The following DGKB variants were observed in gnomAD, a reference collection of about 807,000 sequenced individuals.
DGKB encodes the protein diacylglycerol kinase beta.
In DGKB, 67 loss-of-function variants were observed where a neutral mutation model predicts 114.3. That is an observed-to-expected ratio of 0.59 (90% CI 0.48 to 0.72). DGKB has a LOEUF of 0.72. Among genes scored for constraint, DGKB ranks in the 30% least tolerant of loss-of-function variants. The pLI, the probability that DGKB is intolerant of heterozygous loss-of-function variation, is 0.00. For missense variants in DGKB, 907 were observed against 975.2 expected (o/e 0.93, Z 0.93); for synonymous variants, 398 against 323.1 (o/e 1.23, Z -2.49).
chr7:14,881,054 AT>A (rs1323780607), intron 1 of DGKB, among the ~76,000 whole-genome samples: 3 of 152,178 alleles, frequency 2.0e-5, no homozygotes, highest in African/African-American at 7.2e-5. Flanking sequence ...ATGATAAAAT[AT>A]ATTTCTAATA....
intron 21 of DGKB, among the ~76,000 whole-genome samples, chr7:14,346,334 T>C (rs945559265): frequency 6.6e-6 from 1 of 151,960 alleles, no homozygotes; most frequent in Non-Finnish European, 1.5e-5. Flanking sequence ...CTTATTATTA[T>C]GCTATGTTAA....
intron 14 of DGKB, among the ~76,000 whole-genome samples, chr7:14,625,272 C>A (rs964305453): frequency 1.3e-5 from 2 of 152,058 alleles, no homozygotes; most frequent in African/African-American, 4.8e-5. Flanking sequence ...GGAATTTGTG[C>A]AATTAATCCA....
chr7:14,350,675 A>C (rs1415098688), intron 21 of DGKB, among the ~76,000 whole-genome samples: 1 of 151,306 alleles, frequency 6.6e-6, no homozygotes, highest in Admixed American at 6.6e-5. Flanking sequence ...ACAGGAAGAT[A>C]ATTTATTATG....
intron 4 of DGKB, among the ~76,000 whole-genome samples, chr7:14,740,659 A>C (rs765835103): frequency 6.6e-6 from 1 of 152,176 alleles, no homozygotes; most frequent in Non-Finnish European, 1.5e-5. Flanking sequence ...ATTCCTGCTG[A>C]TTAAGCCAAG....
chr7:14,960,837 A>G (rs1786801751), intron 1 of DGKB, among the ~76,000 whole-genome samples: 1 of 152,104 alleles, frequency 6.6e-6, no homozygotes, highest in Non-Finnish European at 1.5e-5. Context: ...CCCAGATGTT[A>G]TAATTTATAC....
At chr7:14,866,936 A>G (rs377453453) in intron 1 of DGKB, among the ~76,000 whole-genome samples, 1 of 152,228 alleles carries the variant, frequency 6.6e-6, no homozygotes, top group South Asian at 2.1e-4. Context: ...ATAAGTGTGT[A>G]GTAATATCTC....
At chr7:14,385,297 T>G (rs1417357443) in intron 21 of DGKB, among the ~76,000 whole-genome samples, 3 of 152,194 alleles carry the variant, frequency 2.0e-5, no homozygotes, top group African/African-American at 7.2e-5. Context: ...GGAGGTTCAC[T>G]GTTTACCTCC....
At chr7:14,783,527 C>T (rs1459968415) in intron 2 of DGKB, among the ~76,000 whole-genome samples, 1 of 152,174 alleles carries the variant, frequency 6.6e-6, no homozygotes, top group Non-Finnish European at 1.5e-5. Context: ...CCTGCTTTCG[C>T]TGCCTGATTT....
At chr7:14,303,494 A>C (rs984491891) in intron 23 of DGKB, among the ~76,000 whole-genome samples, 2 of 152,152 alleles carry the variant, frequency 1.3e-5, no homozygotes, top group African/African-American at 4.8e-5. Flanking sequence ...AAAATTAAAT[A>C]ACTTACCTGC....
intron 21 of DGKB, among the ~76,000 whole-genome samples, chr7:14,396,354 A>G (rs1822217308): frequency 6.6e-6 from 1 of 152,152 alleles, no homozygotes; most frequent in Non-Finnish European, 1.5e-5. Context: ...ACTTACATGG[A>G]ACAAATAGTT....
At position 14,772,748 on chromosome 7, in the gene DGKB, T is replaced by C. The variant is rs1837602101; in HGVS notation, c.71-15017A>G. Among the ~76,000 whole-genome samples, 3 of 152,120 alleles carry C rather than the reference T, an allele frequency of 2.0e-5. No homozygotes were observed. In the South Asian group the frequency reaches 6.2e-4, roughly 31 times the overall value. On this transcript the variant is annotated intron_variant, in intron 2 of 25. Coordinates refer to ENST00000402815, the MANE Select transcript of DGKB (RefSeq NM_001350709.2). ...TGCTGTCTATGGCATCAGCTGATAG[T>C]TGAGGATGGACAGCCATCCATTTCC...
At position 14,371,627 on chromosome 7, in the gene DGKB, C is replaced by G. The variant is rs148124725; in HGVS notation, c.1836-26236G>C. On this transcript the variant is annotated intron_variant, in intron 21 of 25. Coordinates refer to ENST00000402815, the MANE Select transcript of DGKB (RefSeq NM_001350709.2). ...CATCCTGTATGTTGTCTATTTACTC[C>G]CATCCTGTAGGTTGATAGTTTCTTT... 4.1e-3 allele frequency among the ~76,000 whole-genome samples: 621 copies of G among 151,978 alleles called. 4 individuals are homozygous for G. The highest frequency in any genetic ancestry group is 0.013 in the African/African-American group (553 of 41,460).
chr7:14,702,860 T>G (rs73272156), intron 6 of DGKB, among the ~76,000 whole-genome samples: 1 of 152,202 alleles, frequency 6.6e-6, no homozygotes, highest in African/African-American at 2.4e-5. Flanking sequence ...TTAGTCTATA[T>G]ATTGCTAAAA....
chr7:14,694,125 G>C lies in DGKB; in HGVS notation c.661C>G (p.Gln221Glu), dbSNP rs770073907. The change falls in exon 9 of 26, where the codon CAA becomes GAA. Residue 221 changes from glutamine to glutamate, a missense_variant. By Grantham distance (29) the Gln-to-Glu change is conservative. Transcript: ENST00000402815. ...AGTGGAATCGTTGTCATTCCTCCTTGAATCCATTCCTCCAGAGACACGGTT... is the reference window on the plus strand; with the variant it reads ...AGTGGAATCGTTGTCATTCCTCCTTCAATCCATTCCTCCAGAGACACGGTT... ...DGTVSLEEWI[Q>E]GGMTTIPLLV... 1 of 1,593,202 alleles carries C rather than the reference G, an allele frequency of 6.3e-7. No homozygotes were observed. Among genetic ancestry groups the C allele is most frequent in the South Asian group, 1.1e-5 (1 of 87,524 alleles).
chr7:14,778,518 T>C (rs1320987177), intron 2 of DGKB, among the ~76,000 whole-genome samples: 1 of 152,240 alleles, frequency 6.6e-6, no homozygotes, highest in Non-Finnish European at 1.5e-5. Flanking sequence ...TAATTGATTT[T>C]CCAGTATTAA....
At chr7:14,885,076 C>A (rs189515948) in intron 1 of DGKB, among the ~76,000 whole-genome samples, 1 of 151,854 alleles carries the variant, frequency 6.6e-6, no homozygotes, top group East Asian at 1.9e-4. Flanking sequence ...TTGGTTTAGA[C>A]GATTGCTGAC....
chr7:14,721,645 C>T (rs1442167375), intron 5 of DGKB, among the ~76,000 whole-genome samples: 1 of 151,962 alleles, frequency 6.6e-6, no homozygotes, highest in African/African-American at 2.4e-5. Context: ...TAGCTTAAAG[C>T]TTATATAAAA....
chr7:14,452,804 AGT>A (rs1438144734), intron 21 of DGKB, among the ~76,000 whole-genome samples: 1 of 152,132 alleles, frequency 6.6e-6, no homozygotes, highest in Non-Finnish European at 1.5e-5. Context: ...AATATCATAG[AGT>A]GTACTTACAC....
intron 17 of DGKB, among the ~76,000 whole-genome samples, chr7:14,591,861 A>T (rs528936818): frequency 3.3e-5 from 5 of 152,002 alleles, no homozygotes; most frequent in Non-Finnish European, 5.9e-5. Flanking sequence ...TTTCACTTGT[A>T]CCTAATTGTT....
Sources: allele counts gnomAD v4.1 joint callset (sites outside exome capture counted in the v4.1 genomes callset), GRCh38; gene constraint gnomAD v4.1.1; transcripts MANE v1.5; gene names NCBI Gene and HGNC (gene_info 2026-07-23, HGNC 2026-07-21).